Variants in AOPEP observed in about 807,000 individuals in gnomAD.
The protein encoded by AOPEP is aminopeptidase O.
In AOPEP, 77 loss-of-function variants were observed where a neutral mutation model predicts 98.1. That is an observed-to-expected ratio of 0.78 (90% CI 0.65 to 0.95). The LOEUF (loss-of-function observed/expected upper bound fraction) is 0.95. Ranked by LOEUF, AOPEP falls within the 40% of genes least tolerant of loss-of-function variation. AOPEP has a pLI of 0.00. For synonymous variants in AOPEP, 346 were observed against 365.3 expected (o/e 0.95, Z 0.60); for missense variants, 1,024 against 1,024.7 (o/e 1.00, Z 0.01).
chr9:94,798,592 C>T (rs1250294161), intron 4 of AOPEP, among the ~76,000 whole-genome samples: 1 of 152,072 alleles, frequency 6.6e-6, no homozygotes, highest in Non-Finnish European at 1.5e-5. Context: ...GACCTTTTTG[C>T]AAAATTGTGC....
intron 5 of AOPEP, among the ~76,000 whole-genome samples, chr9:94,867,806 A>G (rs951858011): frequency 6.6e-6 from 1 of 152,200 alleles, no homozygotes; most frequent in East Asian, 1.9e-4. Context: ...TTCTTGGTGA[A>G]TAAACCTGGC....
downstream of AOPEP, among the ~76,000 whole-genome samples, chr9:95,088,477 G>T (rs539063370): frequency 6.6e-6 from 1 of 151,992 alleles, no homozygotes; most frequent in East Asian, 1.9e-4. Flanking sequence ...CCAAAGTGCC[G>T]GGATTATAGG....
chr9:94,860,820 GAC>G (rs2044853415), intron 5 of AOPEP, among the ~76,000 whole-genome samples: 1 of 152,156 alleles, frequency 6.6e-6, no homozygotes, highest in Non-Finnish European at 1.5e-5. Flanking sequence ...CACAGTGCCT[GAC>G]ACAGAGCACA....
downstream of AOPEP, among the ~76,000 whole-genome samples, chr9:95,089,698 G>A (rs956101704): frequency 6.6e-6 from 1 of 152,182 alleles, no homozygotes; most frequent in East Asian, 1.9e-4. Flanking sequence ...GTGGGGGCAC[G>A]GGCTGCTTTG....
At chr9:94,818,431 A>T (rs1852180199) in intron 5 of AOPEP, among the ~76,000 whole-genome samples, 1 of 152,248 alleles carries the variant, frequency 6.6e-6, no homozygotes. Flanking sequence ...TTAGCATGGT[A>T]GTATGACAAT....
chr9:94,791,952 T>C (rs1427152571), intron 3 of AOPEP, among the ~76,000 whole-genome samples: 1 of 152,218 alleles, frequency 6.6e-6, no homozygotes, highest in African/African-American at 2.4e-5. Flanking sequence ...ACATGAAAAT[T>C]ATTTTTACAT....
chr9:94,855,372 C>A (rs1298159916), intron 5 of AOPEP, among the ~76,000 whole-genome samples: 2 of 152,176 alleles, frequency 1.3e-5, no homozygotes, highest in African/African-American at 2.4e-5. Context: ...GCCATCAGGC[C>A]TGGCCGTGTT....
intron 1 of AOPEP, among the ~76,000 whole-genome samples, chr9:94,735,329 T>C (rs912777788): frequency 1.2e-4 from 18 of 152,196 alleles, no homozygotes; most frequent in African/African-American, 3.9e-4. Context: ...CACGCCATTC[T>C]CCTGCCTCAG....
chr9:94,749,966 G>A (rs536048869), intron 1 of AOPEP, among the ~76,000 whole-genome samples: 1 of 152,186 alleles, frequency 6.6e-6, no homozygotes, highest in African/African-American at 2.4e-5. Flanking sequence ...AGAAACTCTG[G>A]ATTCTGTTAT....
intron 3 of AOPEP, among the ~76,000 whole-genome samples, chr9:94,775,272 C>G (rs1272799099): frequency 1.3e-5 from 2 of 151,744 alleles, no homozygotes; most frequent in Non-Finnish European, 2.9e-5. Flanking sequence ...AATAGAAAAC[C>G]AGTTGCTTCA....
At chr9:95,135,310 C>T in the AOPEP span, 2 of 1,606,712 alleles carry the variant, frequency 1.2e-6, no homozygotes, top group Non-Finnish European at 1.7e-6. Context: ...GCATCTCCTT[C>T]AAGGATTTTT....
At chr9:94,914,558 G>GTA (rs2052529668) in intron 5 of AOPEP, among the ~76,000 whole-genome samples, 1 of 151,818 alleles carries the variant, frequency 6.6e-6, no homozygotes, top group Admixed American at 6.6e-5. Context: ...GTGTGTGTGT[G>GTA]TGTATGTACA....
At chr9:94,783,542 A>G (rs1843741298) in intron 3 of AOPEP, among the ~76,000 whole-genome samples, 1 of 152,340 alleles carries the variant, frequency 6.6e-6, no homozygotes, top group East Asian at 1.9e-4. Context: ...TGGAAGGTGT[A>G]GACGCGGCAT....
intron 5 of AOPEP, among the ~76,000 whole-genome samples, chr9:94,915,993 C>T (rs1349532365): frequency 3.3e-5 from 5 of 152,200 alleles, no homozygotes; most frequent in Admixed American, 6.5e-5. Flanking sequence ...GCTGCCCCAA[C>T]GTGTCCCTCC....
intron 11 of AOPEP, among the ~76,000 whole-genome samples, chr9:94,987,595 A>T (rs1392108911): frequency 1.3e-5 from 2 of 152,188 alleles, no homozygotes; most frequent in African/African-American, 4.8e-5. Context: ...CCTCCTTCTC[A>T]TTCTCAGGTC....
intron 2 of AOPEP, among the ~76,000 whole-genome samples, chr9:94,766,953 A>G (rs887799308): frequency 4.6e-5 from 7 of 152,188 alleles, no homozygotes. Context: ...GAGTATTTTT[A>G]GTTTGGAGTA....
the AOPEP span, among the ~76,000 whole-genome samples, chr9:95,119,589 C>A: frequency 1.3e-5 from 2 of 152,172 alleles, no homozygotes; most frequent in African/African-American, 4.8e-5. Context: ...TGGTCTTGAT[C>A]TCTTGAACTC....
chr9:94,998,816 C>T (rs1167444957), intron 11 of AOPEP, among the ~76,000 whole-genome samples: 5 of 152,190 alleles, frequency 3.3e-5, no homozygotes, highest in African/African-American at 1.2e-4. Context: ...GTTCAACTTA[C>T]ATTATTCTCT....
chr9:94,982,837 AT>A (rs916736226), intron 11 of AOPEP, among the ~76,000 whole-genome samples: 25 of 152,022 alleles, frequency 1.6e-4, no homozygotes, highest in Non-Finnish European at 3.2e-4. Context: ...TAGATTTTGG[AT>A]TTTTTTTCAT....
Sources: gnomAD v4.1 joint callset for allele counts (sites outside exome capture counted in the v4.1 genomes callset) on GRCh38, gnomAD v4.1.1 for gene constraint, MANE v1.5 for transcripts, NCBI Gene and HGNC (gene_info 2026-07-23, HGNC 2026-07-21) for gene names.